ANO9: variants seen among roughly 807,000 people sequenced by gnomAD.
The protein encoded by ANO9 is anoctamin 9.
In ANO9, 80 loss-of-function variants were observed where a neutral mutation model predicts 100.5. The observed-to-expected ratio is 0.80, with a 90% confidence interval of 0.66 to 0.96. The LOEUF is 0.96. ANO9 is among the 40% of genes least tolerant of loss of function. ANO9 has a pLI of 0.00. For synonymous variants in ANO9, 473 were observed against 435.6 expected (o/e 1.09, Z -1.07); for missense variants, 1,064 against 1,072.7 (o/e 0.99, Z 0.11).
At position 428,830 on chromosome 11, in the gene ANO9, G is replaced by C; in HGVS notation, c.916-4C>G. On this transcript the variant is annotated splice_region_variant and splice_polypyrimidine_tract_variant and intron_variant, in intron 11 of 22. Transcript: ENST00000332826. Reference sequence around the variant, plus strand: ...TGAGCTGAAGTGCCATTTCCTCCTGGGGAGAGCACCGGGCAAGCCTCAGAC... The same window carrying C: ...TGAGCTGAAGTGCCATTTCCTCCTGCGGAGAGCACCGGGCAAGCCTCAGAC... 1 of 1,612,780 alleles carries C rather than the reference G, an allele frequency of 6.2e-7. No homozygotes were observed. The highest frequency in any genetic ancestry group is 8.5e-7 in the Non-Finnish European group (1 of 1,179,794).
chr11:419,842 C>A, intron 19 of ANO9, 113 bp from the exon 20 acceptor site: 1 of 1,495,522 alleles, frequency 6.7e-7, no homozygotes, highest in Admixed American at 2.1e-5. Flanking sequence ...GTGGTGTCCC[C>A]TTGCAGCCCT....
Position 432,046 on chromosome 11 carries a change from A to C in ANO9, c.359T>G (p.Ile120Ser). 6.2e-7 allele frequency: 1 copy of C among 1,612,888 alleles called. No homozygotes were observed. Among genetic ancestry groups the C allele is most frequent in the Non-Finnish European group, 8.5e-7 (1 of 1,179,742 alleles). ...CATGACAACGAAGTTCACGATTCGG[A>C]TTCTGAGACTCAAGAGCCAGAGCAG... ...TTIPVTTSLR[I>S]RIVNFVVMNN... The change falls in exon 5 of 23, where the codon ATC becomes AGC. Residue 120 changes from isoleucine to serine, a missense_variant. Coordinates refer to ENST00000332826, the MANE Select transcript of ANO9 (RefSeq NM_001012302.3). This position sits in a 1 kb window ranked among gnomAD's most constrained non-coding sequence, Gnocchi z 4.8.
intron 20 of ANO9, 28 bp downstream of exon 20, chr11:419,554 G>C (rs1212439142): frequency 1.2e-6 from 2 of 1,609,462 alleles, no homozygotes; most frequent in Non-Finnish European, 1.7e-6. Flanking sequence ...GTTTCTCCCA[G>C]GGGTCTCCAG....
At chr11:439,136 G>A (rs1845630708) in intron 1 of ANO9, among the ~76,000 whole-genome samples, 1 of 152,200 alleles carries the variant, frequency 6.6e-6, no homozygotes, top group Non-Finnish European at 1.5e-5. Flanking sequence ...GGAAGAAGGT[G>A]GACAGAACCA....
rs867325495 is a variant in ANO9 at position 431,326 on chromosome 11, G to C, written c.539+368C>G. 7.3e-4 allele frequency among the ~76,000 whole-genome samples: 61 copies of C among 83,204 alleles called. 1 individual carries two copies. Among genetic ancestry groups the C allele is most frequent in the Non-Finnish European group, 1.1e-3 (48 of 41,930 alleles). 54.6% of individuals were successfully genotyped at this position (83,204 alleles called of 152,430 possible). A position where few individuals can be genotyped will look rare whatever the true frequency, so the allele number is the denominator to read the frequency against. On this transcript the variant is annotated intron_variant, in intron 7 of 22. Transcript: ENST00000332826. The stretch of plus-strand genomic sequence containing the variant: ...CGGGTATCTGGGGGGCTTCTGCGGG[G>C]GTGTGGGGGCTCCCGCGGGTATCTG...
rs1046753596 is a variant in ANO9 at position 420,496 on chromosome 11, G to T, written c.1753C>A (p.Arg585=). Reference sequence around the variant, plus strand: ...TTGGCCTTGCGCGGCACCAGGCGCCGCTGCAACCAGACCATCTTGATGGCG... The same window carrying T: ...TTGGCCTTGCGCGGCACCAGGCGCCTCTGCAACCAGACCATCTTGATGGCG... The part of the protein sequence containing the change: ...LDAIKMVWLQ[R]RLVPRKAKDI... Residue 585 remains arginine, a synonymous_variant, in exon 19 of 23, where the codon CGG becomes AGG. Transcript: ENST00000332826. 2.6e-5 allele frequency: 41 copies of T among 1,604,034 alleles called. No homozygotes were observed. Among genetic ancestry groups the T allele is most frequent in the Non-Finnish European group, 3.1e-5 (37 of 1,179,536 alleles).
intron 1 of ANO9, among the ~76,000 whole-genome samples, chr11:438,263 G>A (rs1197941309): frequency 6.6e-6 from 1 of 151,892 alleles, no homozygotes; most frequent in African/African-American, 2.4e-5. Context: ...GCCAGCCCCT[G>A]GCTGCCCTTA....
At chr11:438,110 G>A (rs907463001) in intron 1 of ANO9, among the ~76,000 whole-genome samples, 6 of 152,072 alleles carry the variant, frequency 3.9e-5, no homozygotes, top group African/African-American at 1.2e-4. Flanking sequence ...AAGACACCGT[G>A]CAGCACTGGG....
At chr11:435,561 CTAG>C (rs1849430084) in intron 1 of ANO9, among the ~76,000 whole-genome samples, 1 of 124,970 alleles carries the variant, frequency 8.0e-6, no homozygotes, top group African/African-American at 3.1e-5. Flanking sequence ...CTAGTCTAGT[CTAG>C]TCTAGTATAG....
rs772062472 is a variant in ANO9, at chr11:433,934, C to T, written c.85G>A (p.Glu29Lys). The change falls in exon 3 of 23, where the codon GAG becomes AAG. Residue 29 changes from glutamate to lysine, a missense_variant. Glu to Lys is a moderately conservative substitution (Grantham distance 56, BLOSUM62 1). Coordinates refer to ENST00000332826, the MANE Select transcript of ANO9 (RefSeq NM_001012302.3). ...PLMEISTCETEASEQWDYVLV... is the reference protein window; with the variant it reads ...PLMEISTCETKASEQWDYVLV... The stretch of plus-strand genomic sequence containing the variant: ...ACATAGTCCCACTGCTCGGAGGCCT[C>T]GGTCTGCAGGGAGGAGGCATGGGGC... 1.6e-5 allele frequency: 25 copies of T among 1,560,854 alleles called. No homozygotes were observed. The highest frequency in any genetic ancestry group is 9.4e-5 in the African/African-American group (7 of 74,230).
In ANO9 at chr11:430,203, G is replaced by C. The variant is rs370364763; in HGVS notation, c.675-24C>G. On this transcript the variant is annotated intron_variant, in intron 8 of 22. Coordinates refer to ENST00000332826, the MANE Select transcript of ANO9 (RefSeq NM_001012302.3). Reference sequence around the variant, plus strand: ...TGCTGAAGGGGCAGGGATGAGGCTGGGGTCGGCTCCTCCAGGCAGCAGGGC... The same window carrying C: ...TGCTGAAGGGGCAGGGATGAGGCTGCGGTCGGCTCCTCCAGGCAGCAGGGC... 858 of 1,550,328 alleles carry C rather than the reference G, an allele frequency of 5.5e-4. 1 individual carries two copies. The highest frequency in any genetic ancestry group is 5.1e-4 in the Non-Finnish European group (585 of 1,147,294).
At chr11:434,468 G>A (rs1211142857) in intron 1 of ANO9, among the ~76,000 whole-genome samples, 1 of 152,208 alleles carries the variant, frequency 6.6e-6, no homozygotes, top group African/African-American at 2.4e-5. Flanking sequence ...ACCAATGCAC[G>A]GGAGAAGCCA....
Position 419,306 on chromosome 11 carries a change from G to C in ANO9, c.1934+276C>G. ...AAGAGGACATGCGGAACCTCACATC[G>C]GGAGGGAGCCGTTCTGGCAGGGCCT... On this transcript the variant is annotated intron_variant, in intron 20 of 22. Coordinates refer to ENST00000332826, the MANE Select transcript of ANO9 (RefSeq NM_001012302.3). 4.3e-6 allele frequency: 6 copies of C among 1,408,302 alleles called. No individual in the cohort carries two copies. In the South Asian group the frequency reaches 9.5e-5, roughly 22 times the overall value. The allele number at this position is 1,408,302 out of a possible 1,614,324, so 87.2% of individuals were successfully genotyped here.
At position 420,450 on chromosome 11, in the gene ANO9, C is replaced by G; in HGVS notation, c.1786+13G>C. 1 of 1,599,510 alleles carries G rather than the reference C, an allele frequency of 6.3e-7. No individual in the cohort carries two copies. Among genetic ancestry groups the G allele is most frequent in the Non-Finnish European group, 8.5e-7 (1 of 1,178,888 alleles). On this transcript the variant is annotated intron_variant, in intron 19 of 22. Transcript: ENST00000332826. ...GCCCAGTTCCCGCCCATCCTGCGCC[C>G]GCCCGGTCTGACCGATGTCCTTGGC... is the stretch of plus-strand genomic sequence containing the variant.
intron 19 of ANO9, chr11:419,939 G>A (rs924968079): frequency 7.1e-7 from 1 of 1,406,138 alleles, no homozygotes; most frequent in Non-Finnish European, 9.2e-7. Flanking sequence ...CATGGACAGG[G>A]AGGAACCTGG....
intron 1 of ANO9, among the ~76,000 whole-genome samples, chr11:438,995 G>A (rs765660484): frequency 1.3e-5 from 2 of 152,174 alleles, no homozygotes; most frequent in East Asian, 1.9e-4. Flanking sequence ...GAGGGAGGCC[G>A]GCTCTGGGTG....
At chr11:423,557 G>T (rs1214885688) in intron 15 of ANO9, among the ~76,000 whole-genome samples, 2 of 152,072 alleles carry the variant, frequency 1.3e-5, no homozygotes, top group Non-Finnish European at 2.9e-5. Flanking sequence ...ACTCGGGCTG[G>T]AGTGCAATGG....
intron 1 of ANO9, among the ~76,000 whole-genome samples, chr11:436,644 AGGTGAGCAGGG>A (rs1849572668): frequency 6.2e-5 from 8 of 129,340 alleles, no homozygotes; most frequent in Non-Finnish European, 1.2e-4. Flanking sequence ...AGTGAGCAGG[AGGTGAGCAGGG>A]GGTGAGCAGG....
At position 418,379 on chromosome 11, in the gene ANO9, C is replaced by T. The variant is rs1564899955; in HGVS notation, c.2341G>A (p.Asp781Asn). The T allele has an allele frequency of 6.2e-7, 1 of 1,608,840 alleles. No individual in the cohort carries two copies. Reference sequence around the variant, plus strand: ...CTGGACGGGCTCTGGCCCTACACGTCTGTGCTCCTGGCACTGAAGATGGAT... The same window carrying T: ...CTGGACGGGCTCTGGCCCTACACGTTTGTGCTCCTGGCACTGAAGATGGAT... Reference protein sequence around the residue: ...PASIFSARSTDV With the variant: ...PASIFSARSTNV Residue 781 changes from aspartate to asparagine, a missense_variant, in exon 23 of 23, where the codon GAC (aspartate) becomes AAC (asparagine). Coordinates refer to ENST00000332826, the MANE Select transcript of ANO9 (RefSeq NM_001012302.3).
Sources: allele counts gnomAD v4.1 joint callset (sites outside exome capture counted in the v4.1 genomes callset), GRCh38; gene constraint gnomAD v4.1.1; non-coding constraint Gnocchi (gnomAD v3.1); transcripts MANE v1.5; gene names NCBI Gene and HGNC (gene_info 2026-07-23, HGNC 2026-07-21).